Variants in SLC17A1 observed in about 807,000 individuals in gnomAD.
The protein encoded by SLC17A1 is sodium-dependent phosphate transport protein 1.
In SLC17A1, 51 loss-of-function variants were observed where a neutral mutation model predicts 53.5. The ratio of observed to expected loss-of-function variants is 0.95; its 90% confidence interval spans 0.76 to 1.20. The LOEUF (loss-of-function observed/expected upper bound fraction) is 1.20. Among genes scored for constraint, SLC17A1 ranks in the 50% most tolerant of loss-of-function variants. SLC17A1 has a pLI of 0.00. For synonymous variants in SLC17A1, 179 were observed against 198.8 expected (o/e 0.90, Z 0.84); for missense variants, 538 against 568.2 (o/e 0.95, Z 0.54).
chr6:25,763,752 T>G, the SLC17A1 span, among the ~76,000 whole-genome samples: 1 of 152,202 alleles, frequency 6.6e-6, no homozygotes, highest in Non-Finnish European at 1.5e-5. Flanking sequence ...AGGTTCTGCC[T>G]GAAGATCAGT....
chr6:25,770,002 G>T, the SLC17A1 span: 4 of 1,470,738 alleles, frequency 2.7e-6, no homozygotes, highest in Non-Finnish European at 3.8e-6. Flanking sequence ...TGCCTCTCAA[G>T]TCCTCACAAT....
At chr6:25,827,378 C>T (rs1205460535) in intron 2 of SLC17A1, among the ~76,000 whole-genome samples, 1 of 151,928 alleles carries the variant, frequency 6.6e-6, no homozygotes, top group Non-Finnish European at 1.5e-5. Context: ...ATGCATATTA[C>T]TCAGAAATAA....
At chr6:25,777,073 C>T in the SLC17A1 span, 2 of 1,134,870 alleles carry the variant, frequency 1.8e-6, no homozygotes, top group African/African-American at 1.6e-5. Context: ...CAGGAAATGT[C>T]AGCACCAGCT....
the SLC17A1 span, among the ~76,000 whole-genome samples, chr6:25,751,476 A>C: frequency 4.6e-5 from 7 of 152,170 alleles, no homozygotes; most frequent in Non-Finnish European, 8.8e-5. Context: ...ATGAAATTTG[A>C]GTGGAAGTGA....
intron 10 of SLC17A1, among the ~76,000 whole-genome samples, chr6:25,805,684 A>G (rs1763927856): frequency 6.6e-6 from 1 of 152,066 alleles, no homozygotes. Flanking sequence ...GAAATTGGAG[A>G]CATTGTAACT....
At chr6:25,776,747 CAG>C in the SLC17A1 span, 3 of 1,613,964 alleles carry the variant, frequency 1.9e-6, no homozygotes, top group Admixed American at 1.7e-5. Context: ...AGACTGGACA[CAG>C]GGGTGAACGT....
At chr6:25,758,483 AGAGAGAG>A in the SLC17A1 span, among the ~76,000 whole-genome samples, 4 of 152,186 alleles carry the variant, frequency 2.6e-5, no homozygotes, top group African/African-American at 9.6e-5. Flanking sequence ...ATTCCTTTGC[AGAGAGAG>A]TTTCTATTTC....
At position 25,819,538 on chromosome 6, in the gene SLC17A1, C is replaced by T; in HGVS notation, c.502G>A (p.Gly168Ser). ...GATGTACTCATAGAAGTAAGTCGGC[C>T]TCGTTCCAGGGGAGGAGCCCATTTG... ...YVKWAPPLERGRLTSMSTSGF... is the reference protein window; with the variant it reads ...YVKWAPPLERSRLTSMSTSGF... Residue 168 changes from glycine (G) to serine (S), a missense_variant, in exon 5 of 13, where the codon GGC becomes AGC. By Grantham distance (56) the Gly-to-Ser change is moderately conservative. Transcript: ENST00000244527. 2.5e-6 allele frequency: 4 copies of T among 1,614,106 alleles called. No individual in the cohort carries two copies. The highest frequency in any genetic ancestry group is 3.4e-6 in the Non-Finnish European group (4 of 1,179,962).
rs1245051580 is a variant in SLC17A1 at position 25,824,311 on chromosome 6, A to G, written c.207+2150T>C. Among the ~76,000 whole-genome samples the G allele has an allele frequency of 5.3e-5, 8 of 152,022 alleles. No homozygotes were observed. In the East Asian group the frequency reaches 1.3e-3, roughly 26 times the overall value. On this transcript the variant is annotated intron_variant, in intron 3 of 12. Coordinates refer to ENST00000244527, the MANE Select transcript of SLC17A1 (RefSeq NM_005074.5). ...AAGTAAGACCATTAGAAAAGAATAA[A>G]TGCCATTATCATGTGTATGCTGGTC...
chr6:25,752,868 C>T, the SLC17A1 span, among the ~76,000 whole-genome samples: 7,360 of 151,760 alleles, frequency 0.048, 518 homozygotes, highest in African/African-American at 0.15. Context: ...AGGAGAATGG[C>T]GTGAACCCGG....
rs199543659 is a variant in SLC17A1 at position 25,797,610 on chromosome 6, GT to G, written c.*2+1172del. Among the ~76,000 whole-genome samples the G allele has an allele frequency of 2.2e-3, 321 of 144,780 alleles. 1 individual carries two copies. Among genetic ancestry groups the G allele is most frequent in the Non-Finnish European group, 3.5e-3 (227 of 65,654 alleles). The allele number at this position is 144,780 out of a possible 152,430, so 95.0% of individuals were successfully genotyped here. Reference sequence around the variant, plus strand: ...ATCTAGAGCATCCATTTCTACCCCAGTTTTTTTTTTTTGAGATGGAGTCTTG... The same window carrying G: ...ATCTAGAGCATCCATTTCTACCCCAGTTTTTTTTTTTGAGATGGAGTCTTG... On this transcript the variant is annotated intron_variant, in intron 12 of 12. Coordinates refer to ENST00000244527, the MANE Select transcript of SLC17A1 (RefSeq NM_005074.5).
chr6:25,740,898 T>C, the SLC17A1 span, among the ~76,000 whole-genome samples: 1 of 152,182 alleles, frequency 6.6e-6, no homozygotes, highest in African/African-American at 2.4e-5. Flanking sequence ...TGGAGGATGT[T>C]AAGTGAAATA....
chr6:25,817,508 A>G (rs933811439), intron 6 of SLC17A1, among the ~76,000 whole-genome samples: 1 of 152,214 alleles, frequency 6.6e-6, no homozygotes, highest in Non-Finnish European at 1.5e-5. Context: ...CAGTAAAGCT[A>G]TTATCATAGT....
At chr6:25,805,733 T>C (rs1376111702) in intron 10 of SLC17A1, among the ~76,000 whole-genome samples, 2 of 151,994 alleles carry the variant, frequency 1.3e-5, no homozygotes, top group African/African-American at 2.4e-5. Flanking sequence ...GAGACTACTA[T>C]GAACACCTCT....
At chr6:25,810,485 A>G (rs988750757) in intron 10 of SLC17A1, among the ~76,000 whole-genome samples, 1 of 152,150 alleles carries the variant, frequency 6.6e-6, no homozygotes, top group African/African-American at 2.4e-5. Context: ...TATACTATCA[A>G]CAGGTATATG....
At chr6:25,806,169 T>C (rs1763946904) in intron 10 of SLC17A1, among the ~76,000 whole-genome samples, 1 of 152,134 alleles carries the variant, frequency 6.6e-6, no homozygotes, top group East Asian at 1.9e-4. Flanking sequence ...ATCAAATAGA[T>C]AGAATAATAC....
downstream of SLC17A1, among the ~76,000 whole-genome samples, chr6:25,778,754 G>T: frequency 6.6e-6 from 1 of 152,190 alleles, no homozygotes; most frequent in East Asian, 1.9e-4. Context: ...TAACTACAAT[G>T]ATCAAGGAAG....
the SLC17A1 span, among the ~76,000 whole-genome samples, chr6:25,727,795 G>C: frequency 3.9e-4 from 59 of 152,034 alleles, no homozygotes; most frequent in East Asian, 1.6e-3. Context: ...CGAGGCTGGC[G>C]GTTCATGAGG....
At position 25,815,089 on chromosome 6, in the gene SLC17A1, TA is replaced by T. The variant is rs549519729; in HGVS notation, c.617-1877del. Among the ~76,000 whole-genome samples, 642 of 115,242 alleles carry T rather than the reference TA, an allele frequency of 5.6e-3. 2 individuals carry two copies. The highest frequency in any genetic ancestry group is 9.0e-3 in the Non-Finnish European group (469 of 52,170). 75.6% of individuals were successfully genotyped at this position (115,242 alleles called of 152,430 possible). On this transcript the variant is annotated intron_variant, in intron 6 of 12. Transcript: ENST00000244527. ...TATAAAAGCTGTAATATACATGTAA[TA>T]AAAAAAATCACAAGGTGTGATATAC...
Sources: allele counts gnomAD v4.1 joint callset (sites outside exome capture counted in the v4.1 genomes callset), GRCh38; gene constraint gnomAD v4.1.1; transcripts MANE v1.5; gene names NCBI Gene and HGNC (gene_info 2026-07-23, HGNC 2026-07-21).